DPH1: variants seen among roughly 807,000 people sequenced by gnomAD.
DPH1 encodes diphthamide biosynthesis 1, also known as 2-(3-amino-3-carboxypropyl)histidine synthase subunit 1.
Under a neutral mutation model 55.3 loss-of-function variants are expected in DPH1, and 59 were observed. That is an observed-to-expected ratio of 1.07 (90% CI 0.87 to 1.33). The LOEUF (loss-of-function observed/expected upper bound fraction) is 1.33. DPH1 is among the 40% of genes most tolerant of loss of function. The pLI is 0.00. For synonymous variants in DPH1, 238 were observed against 235.5 expected (o/e 1.01, Z -0.10); for missense variants, 628 against 584.8 (o/e 1.07, Z -0.76).
intron 6 of DPH1, chr17:2,039,065 C>CT (rs141735682): frequency 1.1e-3 from 156 of 147,532 alleles, no homozygotes; most frequent in Admixed American, 1.5e-3. Flanking sequence ...GTCCTCTGGA[C>CT]TTTTTTTTTT....
At chr17:2,041,255 G>A in intron 10 of DPH1, 74 bp downstream of exon 10, 2 of 1,533,026 alleles carry the variant, frequency 1.3e-6, no homozygotes, top group Non-Finnish European at 8.9e-7. Context: ...GGAGTGGGGT[G>A]GGTGGGCAGC....
chr17:2,041,850 C>T lies in DPH1; in HGVS notation c.1310C>T (p.Ala437Val), dbSNP rs1411959815. ...AGGGACGAGAAGGTGGCGCCGCTGG[C>T]TCCTTGACGCGCTCCCGGGCCTCAG... ...SCRDEKVAPL[A>V]P The change falls in exon 12 of 13, where the codon GCT becomes GTT. Residue 437 changes from alanine to valine, a missense_variant. Transcript: ENST00000263083. The T allele has an allele frequency of 6.3e-7, 1 of 1,595,588 alleles. No individual in the cohort carries two copies. The highest frequency in any genetic ancestry group is 2.3e-5 in the East Asian group (1 of 44,110).
Position 2,042,595 on chromosome 17 carries a change from A to G in DPH1, c.*19-10A>G. On this transcript the variant is annotated splice_polypyrimidine_tract_variant and intron_variant, in intron 12 of 12. Coordinates refer to ENST00000263083, the MANE Select transcript of DPH1 (RefSeq NM_001383.6). ...CCCTAATCCCATCCTTTTTCCTCAT[A>G]TCGCTGTAGGGTCCTGCCCTCCGGA... 6.6e-7 allele frequency: 1 copy of G among 1,505,808 alleles called. No individual in the cohort carries two copies. Among genetic ancestry groups the G allele is most frequent in the Middle Eastern group, 1.8e-4 (1 of 5,568 alleles). 93.3% of individuals were successfully genotyped at this position (1,505,808 alleles called of 1,614,324 possible).
At chr17:2,038,486 G>T (rs1358029377) in intron 6 of DPH1, among the ~76,000 whole-genome samples, 1 of 152,178 alleles carries the variant, frequency 6.6e-6, no homozygotes, top group Non-Finnish European at 1.5e-5. Context: ...CTGCCGCACA[G>T]TAGAAGGTGA....
chr17:2,033,472 C>G, intron 1 of DPH1, 33 bp from the exon 2 acceptor site: 1 of 1,613,410 alleles, frequency 6.2e-7, no homozygotes, highest in Non-Finnish European at 8.5e-7. Flanking sequence ...CAGCCAAAGA[C>G]AGACACCAAC....
chr17:2,040,829 G>A (rs146053901), intron 9 of DPH1: 840 of 630,638 alleles, frequency 1.3e-3, no homozygotes, highest in Non-Finnish European at 1.9e-3. Flanking sequence ...GAGTTTGAGC[G>A]GTGGCTGACA....
At chr17:2,035,552 G>A (rs1197714976) in intron 3 of DPH1, among the ~76,000 whole-genome samples, 4 of 109,556 alleles carry the variant, frequency 3.7e-5, no homozygotes, top group Admixed American at 9.7e-5. Flanking sequence ...GCAAGAGGGA[G>A]GCTGTGTGTA....
rs778781793 is a variant in DPH1, at chr17:2,041,555, G to T, written c.1161G>T (p.Gly387=). ...ACTTCTACGCTGGCAGCTCCTTGGG[G>T]CCCTGGACGGTGAACCACGGCCAGG... ...PMDFYAGSSL[G]PWTVNHGQDR... The change falls in exon 11 of 13, where the codon GGG becomes GGT. Residue 387 remains glycine, a synonymous_variant. Coordinates refer to ENST00000263083, the MANE Select transcript of DPH1 (RefSeq NM_001383.6). 6.2e-7 allele frequency: 1 copy of T among 1,612,282 alleles called. No homozygotes were observed. The highest frequency in any genetic ancestry group is 1.1e-5 in the South Asian group (1 of 91,038).
rs778037193 is a variant in DPH1 at position 2,040,198 on chromosome 17, C to T, written c.750-20C>T. On this transcript the variant is annotated intron_variant, in intron 7 of 12. Coordinates refer to ENST00000263083, the MANE Select transcript of DPH1 (RefSeq NM_001383.6). ...TCCTGACAGTGGCTGCCACAGTGAC[C>T]CTGACTGCTTCTTTTCCAGGTATGA... 4 of 1,612,854 alleles carry T rather than the reference C, an allele frequency of 2.5e-6. No individual in the cohort carries two copies. The South Asian group carries it at 4.4e-5, about 18-fold the overall frequency.
intron 1 of DPH1, among the ~76,000 whole-genome samples, chr17:2,031,595 C>T (rs537996554): frequency 4.7e-4 from 70 of 149,890 alleles, no homozygotes; most frequent in African/African-American, 1.6e-3. Flanking sequence ...AAAATTAGCC[C>T]TGCGTCTTGG....
intron 6 of DPH1, 97 bp downstream of exon 6, chr17:2,037,053 T>A: frequency 1.3e-6 from 2 of 1,512,014 alleles, no homozygotes; most frequent in South Asian, 2.6e-5. Context: ...CCAAATCTAA[T>A]GCTCCTTACC....
At chr17:2,042,313 C>T (rs184703093) in intron 12 of DPH1, 2 of 1,392,064 alleles carry the variant, frequency 1.4e-6, no homozygotes, top group South Asian at 1.6e-5. Context: ...GCATCCCCCA[C>T]CCTGCGTCCA....
At position 2,043,077 on chromosome 17, in the gene DPH1, C is replaced by A. The variant is rs898369600; in HGVS notation, c.*491C>A. ...CTGCACCCCAGCGTCAGGCCTACCT[C>A]AAGTTCTTGGACCAGTTTGCAGAGT... On this transcript the variant is annotated 3_prime_UTR_variant, in exon 13 of 13. Transcript: ENST00000263083. The A allele has an allele frequency of 6.2e-7, 1 of 1,613,896 alleles. No homozygotes were observed.
intron 6 of DPH1, 181 bp downstream of exon 6, chr17:2,037,137 A>G (rs892157847): frequency 2.3e-6 from 2 of 860,276 alleles, no homozygotes; most frequent in African/African-American, 3.4e-5. Flanking sequence ...CGCTTTCTCC[A>G]CTGCCCAGTC....
Position 2,040,386 on chromosome 17 carries a change from C to T in DPH1, c.906+12C>T, listed in dbSNP as rs779249518. ...CTAAGATCCTGGAGGTCAGTGGGCT[C>T]AGGACAGCCTCTGGAGGAGGGAAGT... On this transcript the variant is annotated intron_variant, in intron 8 of 12. Transcript: ENST00000263083. The T allele has an allele frequency of 1.2e-6, 2 of 1,613,684 alleles. No individual in the cohort carries two copies. Among genetic ancestry groups the T allele is most frequent in the African/African-American group, 2.7e-5 (2 of 74,932 alleles).
intron 3 of DPH1, 48 bp downstream of exon 3, chr17:2,033,890 C>T (rs758052460): frequency 3.7e-6 from 6 of 1,606,460 alleles, no homozygotes; most frequent in African/African-American, 1.3e-5. Flanking sequence ...CTTCCCCCAC[C>T]CCCTATGCTC....
Position 2,041,200 on chromosome 17 carries a change from A to G in DPH1, c.1086+19A>G, listed in dbSNP as rs747555994. The stretch of plus-strand genomic sequence containing the variant: ...CTATGAGGTAACACCAAGCTCTGGG[A>G]GAGAGTGGGCTTTGGACGTGGTTCT... On this transcript the variant is annotated intron_variant, in intron 10 of 12. Transcript: ENST00000263083. The G allele has an allele frequency of 1.9e-6, 3 of 1,593,610 alleles. No homozygotes were observed. Among genetic ancestry groups the G allele is most frequent in the Admixed American group, 1.8e-5 (1 of 57,042 alleles).
rs867798707 is a variant in DPH1, at chr17:2,040,555, G to A, written c.957G>A (p.Leu319=). 1.9e-6 allele frequency: 3 copies of A among 1,614,224 alleles called. No individual in the cohort carries two copies. Among genetic ancestry groups the A allele is most frequent in the Middle Eastern group, 3.3e-4 (2 of 6,062 alleles). The change falls in exon 9 of 13, where the codon CTG becomes CTA. Residue 319 remains leucine, a synonymous_variant. Coordinates refer to ENST00000263083, the MANE Select transcript of DPH1 (RefSeq NM_001383.6). ...RALGLSFVRL[L]LSEIFPSKLS... is the part of the protein sequence containing the mutation. ...TGGGCCTTTCCTTTGTGAGGCTGCT[G>A]CTCTCTGAGATCTTCCCCAGCAAGC...
Position 2,036,540 on chromosome 17 carries a change from A to G in DPH1, c.412A>G (p.Thr138Ala). 6.2e-7 allele frequency: 1 copy of G among 1,613,900 alleles called. No homozygotes were observed. Among genetic ancestry groups the G allele is most frequent in the Non-Finnish European group, 8.5e-7 (1 of 1,179,922 alleles). The change falls in exon 5 of 13, where the codon ACC becomes GCC. Residue 138 changes from threonine to alanine, a missense_variant. Physicochemically the swap from Thr to Ala is moderately conservative, Grantham distance 58. Transcript: ENST00000263083. The surrounding 1 kb of genome is among the most constrained non-coding windows in gnomAD (Gnocchi z 4.8). ...CCTCCCTCCCACAGTTCCCATGGAC[A>G]CCTCGGCCCAAGACTTCCGGGTGCT... ...YGHSCLIPMDTSAQDFRVLYV... is the reference protein window; with the variant it reads ...YGHSCLIPMDASAQDFRVLYV...
Sources: allele counts gnomAD v4.1 joint callset (sites outside exome capture counted in the v4.1 genomes callset), GRCh38; gene constraint gnomAD v4.1.1; non-coding constraint Gnocchi (gnomAD v3.1); transcripts MANE v1.5; gene names NCBI Gene and HGNC (gene_info 2026-07-23, HGNC 2026-07-21).